The following SRBD1 variants were observed in gnomAD, a reference collection of about 807,000 sequenced individuals.
The protein encoded by SRBD1 is S1 RNA binding domain 1, also known as S1 RNA-binding domain-containing protein 1.
SRBD1 carries 88 observed loss-of-function variants against 115.3 expected under a neutral mutation model. That is an observed-to-expected ratio of 0.76 (90% CI 0.64 to 0.91). SRBD1 has a LOEUF of 0.91. SRBD1 is among the 40% of genes least tolerant of loss of function. The pLI is 0.00. For synonymous variants in SRBD1, 509 were observed against 407.7 expected (o/e 1.25, Z -2.99); for missense variants, 1,385 against 1,177.4 (o/e 1.18, Z -2.58).
At chr2:45,454,666 A>C (rs1158942640) in intron 16 of SRBD1, among the ~76,000 whole-genome samples, 1 of 151,778 alleles carries the variant, frequency 6.6e-6, no homozygotes, top group African/African-American at 2.4e-5. Flanking sequence ...TATTGACCAA[A>C]CTCAAGCGAT....
rs369803751 is a variant in SRBD1, at chr2:45,566,886, T to C, written c.1306-4130A>G. Among the ~76,000 whole-genome samples, 3 of 152,136 alleles carry C rather than the reference T, an allele frequency of 2.0e-5. No homozygotes were observed. In the East Asian group the frequency reaches 5.8e-4, roughly 29 times the overall value. ...TCACTTCAACATATATTCAGATTTC[T>C]CACTAATTCTTAATGGCTTTCTTCC... On this transcript the variant is annotated intron_variant, in intron 9 of 20. Transcript: ENST00000263736.
At chr2:45,581,105 A>G (rs762245957) in intron 6 of SRBD1, among the ~76,000 whole-genome samples, 1 of 152,142 alleles carries the variant, frequency 6.6e-6, no homozygotes, top group Admixed American at 6.6e-5. Flanking sequence ...CCAAATATAT[A>G]TATTTTTTTC....
chr2:45,451,789 A>C (rs913861098), intron 16 of SRBD1, among the ~76,000 whole-genome samples: 2 of 151,802 alleles, frequency 1.3e-5, no homozygotes, highest in Non-Finnish European at 2.9e-5. Context: ...GGCTCCTCTC[A>C]ACACCAATGC....
At chr2:45,465,812 G>A (rs919188109) in intron 16 of SRBD1, among the ~76,000 whole-genome samples, 1 of 152,082 alleles carries the variant, frequency 6.6e-6, no homozygotes, top group African/African-American at 2.4e-5. Flanking sequence ...TTGTGACCAG[G>A]CTACATTTTC....
intron 7 of SRBD1, among the ~76,000 whole-genome samples, chr2:45,577,628 T>C (rs969028825): frequency 6.6e-6 from 1 of 151,746 alleles, no homozygotes; most frequent in African/African-American, 2.4e-5. Context: ...TACTGGTCTG[T>C]GGCAAGCAAG....
At chr2:45,474,324 CCTAA>C (rs981315038) in intron 16 of SRBD1, among the ~76,000 whole-genome samples, 55 of 152,246 alleles carry the variant, frequency 3.6e-4, no homozygotes, top group African/African-American at 1.3e-3. Flanking sequence ...TTTCAGAGTC[CCTAA>C]CTGTCTGTCT....
intron 14 of SRBD1, among the ~76,000 whole-genome samples, chr2:45,545,707 T>C (rs2104028304): frequency 6.6e-6 from 1 of 152,330 alleles, no homozygotes; most frequent in Non-Finnish European, 1.5e-5. Context: ...GCAGTGGATG[T>C]TTCAATCTGT....
chr2:45,428,368 G>T (rs915706035), intron 16 of SRBD1, among the ~76,000 whole-genome samples: 26 of 152,212 alleles, frequency 1.7e-4, no homozygotes, highest in Non-Finnish European at 3.8e-4. Flanking sequence ...GGCTAACACA[G>T]TGAAACCCTG....
chr2:45,477,563 T>C (rs1474549068), intron 15 of SRBD1, among the ~76,000 whole-genome samples: 2 of 152,198 alleles, frequency 1.3e-5, no homozygotes, highest in African/African-American at 4.8e-5. Flanking sequence ...AGTTCCTTTT[T>C]TTTAGAGATA....
At chr2:45,607,671 T>G (rs1674315096) in intron 1 of SRBD1, among the ~76,000 whole-genome samples, 1 of 152,122 alleles carries the variant, frequency 6.6e-6, no homozygotes, top group Non-Finnish European at 1.5e-5. Context: ...ACCTTTGGAA[T>G]TAAAGGTGAA....
chr2:45,547,373 T>G, intron 13 of SRBD1, 149 bp downstream of exon 13: 1 of 627,370 alleles, frequency 1.6e-6, no homozygotes, highest in East Asian at 2.9e-5. Context: ...TGCAGAGTTC[T>G]CCAGCAATTT....
At chr2:45,444,624 T>A (rs1668766949) in intron 16 of SRBD1, among the ~76,000 whole-genome samples, 1 of 152,210 alleles carries the variant, frequency 6.6e-6, no homozygotes, top group South Asian at 2.1e-4. Flanking sequence ...ACTATACTGG[T>A]TCAAAGTTCT....
intron 14 of SRBD1, among the ~76,000 whole-genome samples, chr2:45,513,472 C>G (rs1671031234): frequency 6.6e-6 from 1 of 150,572 alleles, no homozygotes; most frequent in South Asian, 2.1e-4. Flanking sequence ...TTCAGCCTAG[C>G]ACTGAGACAA....
intron 4 of SRBD1, among the ~76,000 whole-genome samples, chr2:45,593,844 G>A (rs569331497): frequency 1.7e-4 from 26 of 152,144 alleles, no homozygotes; most frequent in Non-Finnish European, 2.1e-4. Flanking sequence ...GGAAAAACCA[G>A]TGCTGTTAGA....
Position 45,574,646 on chromosome 2 carries a change from G to C in SRBD1, c.1150C>G (p.Leu384Val), listed in dbSNP as rs756306695. 91 of 1,613,270 alleles carry C rather than the reference G, an allele frequency of 5.6e-5. 2 individuals carry two copies. In the South Asian group the frequency reaches 7.4e-4, roughly 13 times the overall value. ...ADMIAKDKDTLDFIRNLCQKR... is the reference protein window; with the variant it reads ...ADMIAKDKDTVDFIRNLCQKR... ...ACTCACAAGTTCCGAATGAAGTCAA[G>C]CGTGTCTTTGTCTTTAGCAATCATA... The change falls in exon 8 of 21, where the codon CTT (leucine) becomes GTT (valine). Residue 384 changes from leucine (L) to valine (V), a missense_variant. Leu to Val is a conservative substitution (Grantham distance 32, BLOSUM62 1). Transcript: ENST00000263736.
chr2:45,451,339 C>T (rs1387598625), intron 16 of SRBD1, among the ~76,000 whole-genome samples: 14 of 151,906 alleles, frequency 9.2e-5, no homozygotes. Context: ...AATTATTGAA[C>T]ATATGAAAAA....
At position 45,605,454 on chromosome 2, in the gene SRBD1, G is replaced by A; in HGVS notation, c.1-13C>T. 1 of 1,611,210 alleles carries A rather than the reference G, an allele frequency of 6.2e-7. No homozygotes were observed. The highest frequency in any genetic ancestry group is 1.7e-4 in the Middle Eastern group (1 of 6,052). ...GCAATGATGACATCTAGAAGAAACA[G>A]AAAATAAAATCAGCAACACTTGAAT... On this transcript the variant is annotated splice_polypyrimidine_tract_variant and intron_variant, in intron 1 of 20. Transcript: ENST00000263736.
In SRBD1 at chr2:45,393,037, T is replaced by C. The variant is rs973671147; in HGVS notation, c.2606A>G (p.Glu869Gly). The C allele has an allele frequency of 6.2e-7, 1 of 1,614,016 alleles. No homozygotes were observed. The highest frequency in any genetic ancestry group is 1.3e-5 in the African/African-American group (1 of 74,938). ...TGTTTGCAATCTTTCTGCAATTTTC[T>C]CCATTCCTTCCTTTTCAAGGAATGA... ...INSFLEKEGM[E>G]KIAERLQTTV... Residue 869 changes from glutamate to glycine, a missense_variant, in exon 20 of 21, where the codon GAG (glutamate) becomes GGG (glycine). By Grantham distance (98) the Glu-to-Gly change is moderately conservative. Coordinates refer to ENST00000263736, the MANE Select transcript of SRBD1 (RefSeq NM_018079.5).
chr2:45,410,275 T>A (rs1470415991), intron 19 of SRBD1, among the ~76,000 whole-genome samples: 1 of 152,172 alleles, frequency 6.6e-6, no homozygotes, highest in Admixed American at 6.5e-5. Flanking sequence ...GTAACCAGAA[T>A]TCTCATGGTG....
Sources: allele counts gnomAD v4.1 joint callset (sites outside exome capture counted in the v4.1 genomes callset), GRCh38; gene constraint gnomAD v4.1.1; transcripts MANE v1.5; gene names NCBI Gene and HGNC (gene_info 2026-07-23, HGNC 2026-07-21).